Variants in KCNIP1 observed in about 807,000 individuals in gnomAD.
The protein encoded by KCNIP1 is potassium voltage-gated channel interacting protein 1.
Under a neutral mutation model 33.0 loss-of-function variants are expected in KCNIP1, and 18 were observed. The ratio of observed to expected loss-of-function variants is 0.55; its 90% CI spans 0.38 to 0.81. KCNIP1 has a LOEUF of 0.81. Among genes scored for constraint, KCNIP1 ranks in the 30% least tolerant of loss-of-function variants. The pLI, the probability that KCNIP1 is intolerant of heterozygous loss-of-function variation, is 0.00. For missense variants in KCNIP1, 238 were observed against 271.6 expected, an observed-to-expected ratio of 0.88 and a Z score of 0.87; for synonymous variants, 93 against 98.3, an observed-to-expected ratio of 0.95 and a Z score of 0.32.
chr5:170,682,961 CA>C (rs1326887116), intron 1 of KCNIP1, among the ~76,000 whole-genome samples: 1 of 151,992 alleles, frequency 6.6e-6, no homozygotes, highest in African/African-American at 2.4e-5. Context: ...GCTAAAGTTG[CA>C]GTAGAAATAT....
intron 1 of KCNIP1, among the ~76,000 whole-genome samples, chr5:170,616,114 A>G (rs1355620413): frequency 6.6e-6 from 1 of 152,154 alleles, no homozygotes; most frequent in Admixed American, 6.5e-5. Flanking sequence ...GGCTTTTCCA[A>G]TGGCTGATGA....
chr5:170,555,059 G>A (rs1185273655), intron 1 of KCNIP1, among the ~76,000 whole-genome samples: 1 of 152,158 alleles, frequency 6.6e-6, no homozygotes, highest in Non-Finnish European at 1.5e-5. Context: ...TTGCTGGCAG[G>A]CGGAGCAGAA....
intron 1 of KCNIP1, among the ~76,000 whole-genome samples, chr5:170,359,656 A>G (rs1763448786): frequency 6.6e-6 from 1 of 152,088 alleles, no homozygotes; most frequent in Non-Finnish European, 1.5e-5. Flanking sequence ...CTACCTCTCC[A>G]GCCCCAAGCT....
At chr5:170,531,913 C>A (rs1306403486) in intron 1 of KCNIP1, among the ~76,000 whole-genome samples, 1 of 152,156 alleles carries the variant, frequency 6.6e-6, no homozygotes, top group Non-Finnish European at 1.5e-5. Context: ...CTGCCCCCAT[C>A]TTCCCGATCT....
chr5:170,672,904 A>G (rs1761979727), intron 1 of KCNIP1, among the ~76,000 whole-genome samples: 1 of 152,272 alleles, frequency 6.6e-6, no homozygotes, highest in Non-Finnish European at 1.5e-5. Flanking sequence ...ACAGATGGAT[A>G]GCAATAATAT....
chr5:170,367,054 C>G (rs1273220983), intron 1 of KCNIP1, among the ~76,000 whole-genome samples: 1 of 152,140 alleles, frequency 6.6e-6, no homozygotes, highest in Non-Finnish European at 1.5e-5. Context: ...CACGGTGGCT[C>G]ACGCCTGTAA....
chr5:170,708,271 T>C (rs1213960763), intron 1 of KCNIP1, among the ~76,000 whole-genome samples: 1 of 152,098 alleles, frequency 6.6e-6, no homozygotes, highest in Non-Finnish European at 1.5e-5. Flanking sequence ...AACCAAACCA[T>C]GTTTAAGGGG....
intron 1 of KCNIP1, among the ~76,000 whole-genome samples, chr5:170,515,961 C>T (rs1375789995): frequency 1.3e-5 from 2 of 152,128 alleles, no homozygotes; most frequent in Non-Finnish European, 2.9e-5. Flanking sequence ...GCAGAAGGAA[C>T]AGGATAAGCA....
chr5:170,423,093 C>T (rs760547481), intron 1 of KCNIP1, among the ~76,000 whole-genome samples: 4 of 152,064 alleles, frequency 2.6e-5, no homozygotes, highest in East Asian at 1.9e-4. Flanking sequence ...CTCAAACAAA[C>T]GAACTTCAGT....
chr5:170,390,517 A>ATATAT lies in KCNIP1; in HGVS notation c.88+36553_88+36554insTATAT, dbSNP rs1554088941. On this transcript the variant is annotated intron_variant, in intron 1 of 7. Transcript: ENST00000377360. ...GACCCCGTCTCAAAAAAAAAAAACA[A>ATATAT]ATATATATATATATATATATATTTT... 1.5e-3 allele frequency among the ~76,000 whole-genome samples: 112 copies of ATATAT among 74,488 alleles called. 12 individuals are homozygous for ATATAT. The highest frequency in any genetic ancestry group is 0.012 in the East Asian group (29 of 2,418). 48.9% of individuals were successfully genotyped at this position (74,488 alleles called of 152,430 possible).
At chr5:170,607,926 G>A (rs747015354) in intron 1 of KCNIP1, among the ~76,000 whole-genome samples, 3 of 152,182 alleles carry the variant, frequency 2.0e-5, no homozygotes, top group Non-Finnish European at 4.4e-5. Context: ...CAATATTCTT[G>A]GAGAATGAAT....
chr5:170,698,133 GC>G (rs1762962134), intron 1 of KCNIP1, among the ~76,000 whole-genome samples: 2 of 152,150 alleles, frequency 1.3e-5, no homozygotes, highest in Non-Finnish European at 2.9e-5. Context: ...AGAAGAGGGG[GC>G]CAGAAAACCG....
intron 1 of KCNIP1, among the ~76,000 whole-genome samples, chr5:170,440,183 A>G: frequency 6.6e-6 from 1 of 152,236 alleles, no homozygotes; most frequent in Non-Finnish European, 1.5e-5. Flanking sequence ...GAGAGGCCTC[A>G]GGGGAAACCA....
intron 1 of KCNIP1, among the ~76,000 whole-genome samples, chr5:170,369,643 C>G (rs142897454): frequency 1.3e-5 from 2 of 152,322 alleles, no homozygotes; most frequent in East Asian, 3.9e-4. Context: ...TCAAGCTGTA[C>G]TTTAAAGAAA....
upstream of KCNIP1, among the ~76,000 whole-genome samples, chr5:170,501,505 A>C (rs146937454): frequency 6.6e-6 from 1 of 152,390 alleles, no homozygotes; most frequent in Non-Finnish European, 1.5e-5. Flanking sequence ...CCTACTGTTC[A>C]GAGGCAGCCA....
intron 1 of KCNIP1, among the ~76,000 whole-genome samples, chr5:170,596,494 T>A (rs1241902294): frequency 2.6e-5 from 4 of 152,226 alleles, no homozygotes; most frequent in African/African-American, 9.7e-5. Flanking sequence ...GAATCAGGAC[T>A]CTGTCTTAAG....
chr5:170,592,687 C>T (rs1758303773), intron 1 of KCNIP1, among the ~76,000 whole-genome samples: 1 of 152,136 alleles, frequency 6.6e-6, no homozygotes, highest in South Asian at 2.1e-4. Flanking sequence ...ACCTAAAGTC[C>T]CCAGGTGACT....
chr5:170,714,389 C>A (rs139380000), intron 1 of KCNIP1, among the ~76,000 whole-genome samples: 2 of 152,190 alleles, frequency 1.3e-5, no homozygotes, highest in African/African-American at 2.4e-5. Context: ...CATTGCTCAA[C>A]GACTTAGGAC....
At chr5:170,462,963 T>C (rs1756537355) in intron 1 of KCNIP1, among the ~76,000 whole-genome samples, 1 of 152,080 alleles carries the variant, frequency 6.6e-6, no homozygotes, top group African/African-American at 2.4e-5. Context: ...CTTTGGGGAC[T>C]CAGGGGGAGA....
Sources: gnomAD v4.1 joint callset for allele counts (sites outside exome capture counted in the v4.1 genomes callset) on GRCh38, gnomAD v4.1.1 for gene constraint, MANE v1.5 for transcripts, NCBI Gene and HGNC (gene_info 2026-07-23, HGNC 2026-07-21) for gene names.